The following MMP16 variants were observed in gnomAD, a reference collection of about 807,000 sequenced individuals.
MMP16 encodes the protein matrix metallopeptidase 16, also known as matrix metalloproteinase-16.
A neutral mutation model predicts 67.8 loss-of-function variants in MMP16; 12 were observed. That is an observed-to-expected ratio of 0.18 (90% CI 0.11 to 0.29). MMP16 has a LOEUF of 0.29. MMP16 is among the 10% of genes least tolerant of loss of function. The probability of loss-of-function intolerance (pLI) is 1.00; values close to 1 mark genes in which losing one functional copy is unlikely to be tolerated. For missense variants in MMP16, 475 were observed against 765.7 expected (o/e 0.62, Z 4.48); for synonymous variants, 249 against 255.9 (o/e 0.97, Z 0.26).
rs775243884 is a variant in MMP16, at chr8:88,197,274, C to G, written c.165G>C (p.Pro55=). The change falls in exon 2 of 10, where the codon CCG becomes CCC. Residue 55 remains proline, a synonymous_variant. Coordinates refer to ENST00000286614, the MANE Select transcript of MMP16 (RefSeq NM_005941.5). ...VWLQKYGYLP[P]TDPRMSVLRS... is the part of the protein sequence containing the mutation. ...GCAGCACTGACATTCTGGGGTCAGT[C>G]GGTGGAAGGTAGCCGTACTTTTGTA... 1 of 1,584,578 alleles carries G rather than the reference C, an allele frequency of 6.3e-7. No individual in the cohort carries two copies. The highest frequency in any genetic ancestry group is 8.6e-7 in the Non-Finnish European group (1 of 1,166,252).
At chr8:88,142,217 C>T (rs536607775) in intron 4 of MMP16, among the ~76,000 whole-genome samples, 22 of 151,976 alleles carry the variant, frequency 1.4e-4, no homozygotes, top group African/African-American at 4.6e-4. Context: ...GCCATAAATA[C>T]GTTCATTACA....
At chr8:88,103,994 C>T (rs578152768) in intron 6 of MMP16, among the ~76,000 whole-genome samples, 114 of 151,812 alleles carry the variant, frequency 7.5e-4, no homozygotes, top group African/African-American at 2.6e-3. Context: ...TGTCCAAGGA[C>T]ATTTAGTCAG....
intron 3 of MMP16, among the ~76,000 whole-genome samples, chr8:88,178,174 G>C (rs1340658948): frequency 1.3e-5 from 2 of 152,066 alleles, no homozygotes; most frequent in Non-Finnish European, 2.9e-5. Context: ...CAATTCTGTT[G>C]CTTGCTTTGC....
chr8:88,061,590 A>G (rs1586129346), intron 7 of MMP16, among the ~76,000 whole-genome samples: 1 of 152,206 alleles, frequency 6.6e-6, no homozygotes, highest in Non-Finnish European at 1.5e-5. Flanking sequence ...TAGGCTCATC[A>G]ATAACCAGGA....
chr8:88,041,946 G>A lies in MMP16; in HGVS notation c.1490-151C>T. 1.5e-6 allele frequency: 1 copy of A among 654,690 alleles called. No homozygotes were observed. 40.6% of individuals were successfully genotyped at this position (654,690 alleles called of 1,614,324 possible). A position where few individuals can be genotyped will look rare whatever the true frequency, so the allele number is the denominator to read the frequency against. On this transcript the variant is annotated intron_variant, in intron 9 of 9. Transcript: ENST00000286614. This position sits in a 1 kb window ranked among gnomAD's most constrained non-coding sequence, Gnocchi z 6.0. ...AGAAAACACTATTTTCAGCTCAGCTGTCTGTTAAGATGGCTGTGGCTGCTG... is the reference window on the plus strand; with the variant it reads ...AGAAAACACTATTTTCAGCTCAGCTATCTGTTAAGATGGCTGTGGCTGCTG...
chr8:88,183,526 A>G (rs938611882), intron 3 of MMP16, among the ~76,000 whole-genome samples: 2 of 152,114 alleles, frequency 1.3e-5, no homozygotes, highest in Non-Finnish European at 2.9e-5. Flanking sequence ...CAAATCTTAC[A>G]TCTTTTACTT....
At position 88,319,463 on chromosome 8, in the gene MMP16, G is replaced by A. The variant is rs553991720; in HGVS notation, c.132+7612C>T. Among the ~76,000 whole-genome samples the A allele has an allele frequency of 6.2e-4, 94 of 151,974 alleles. 1 individual carries two copies. The highest frequency in any genetic ancestry group is 6.8e-3 in the Middle Eastern group (2 of 294). On this transcript the variant is annotated intron_variant, in intron 1 of 9. Coordinates refer to ENST00000286614, the MANE Select transcript of MMP16 (RefSeq NM_005941.5). ...GCCAACTAGATGAAGCAAGTAGAGC[G>A]TGAGAAAAGGAACTGCAACTGTTGA...
Position 88,264,925 on chromosome 8 carries a change from C to T in MMP16, c.132+62150G>A, listed in dbSNP as rs76464087. Among the ~76,000 whole-genome samples the T allele has an allele frequency of 1.0e-2, 1,516 of 152,312 alleles. 26 individuals are homozygous for T. The highest frequency in any genetic ancestry group is 0.032 in the African/African-American group (1,345 of 41,562). Reference sequence around the variant, plus strand: ...TAACGTTTCAGACACTAGGACAAGACGACTAGTGTTTCCAATGACTTGGCA... The same window carrying T: ...TAACGTTTCAGACACTAGGACAAGATGACTAGTGTTTCCAATGACTTGGCA... On this transcript the variant is annotated intron_variant, in intron 1 of 9. Coordinates refer to ENST00000286614, the MANE Select transcript of MMP16 (RefSeq NM_005941.5).
chr8:88,212,298 G>T (rs540878913), intron 1 of MMP16, among the ~76,000 whole-genome samples: 18 of 152,218 alleles, frequency 1.2e-4, no homozygotes, highest in African/African-American at 4.3e-4. Flanking sequence ...AATGGTATTT[G>T]CTAAGTTTCA....
At chr8:88,274,738 G>A in intron 1 of MMP16, among the ~76,000 whole-genome samples, 1 of 151,536 alleles carries the variant, frequency 6.6e-6, no homozygotes. Context: ...CTTTAAGAAA[G>A]GAAAACAATT....
chr8:88,086,959 T>C (rs1332359647), intron 6 of MMP16, among the ~76,000 whole-genome samples: 1 of 151,864 alleles, frequency 6.6e-6, no homozygotes, highest in South Asian at 2.1e-4. Flanking sequence ...TGTTCAAAGA[T>C]AGGGAGAGAA....
At chr8:88,062,520 A>G (rs1475081357) in intron 7 of MMP16, among the ~76,000 whole-genome samples, 1 of 152,138 alleles carries the variant, frequency 6.6e-6, no homozygotes, top group Non-Finnish European at 1.5e-5. Flanking sequence ...ACGTGGATGA[A>G]GCTGGAAACC....
intron 1 of MMP16, among the ~76,000 whole-genome samples, chr8:88,282,562 T>C (rs1028968804): frequency 1.3e-5 from 2 of 152,234 alleles, no homozygotes; most frequent in African/African-American, 4.8e-5. Flanking sequence ...CTTTCCTAAT[T>C]ACATTGACTA....
intron 6 of MMP16, among the ~76,000 whole-genome samples, chr8:88,098,812 A>G (rs1242439199): frequency 6.6e-6 from 1 of 151,916 alleles, no homozygotes; most frequent in East Asian, 1.9e-4. Flanking sequence ...AAAAGCCAAA[A>G]GAAGTATAAA....
intron 6 of MMP16, among the ~76,000 whole-genome samples, chr8:88,087,592 G>A (rs912749020): frequency 6.6e-6 from 1 of 151,772 alleles, no homozygotes; most frequent in East Asian, 1.9e-4. Flanking sequence ...TACCACACGA[G>A]AGGAATTTCA....
intron 3 of MMP16, among the ~76,000 whole-genome samples, chr8:88,175,629 T>G (rs1452478298): frequency 6.6e-6 from 1 of 152,184 alleles, no homozygotes; most frequent in Non-Finnish European, 1.5e-5. Flanking sequence ...TAACCATACT[T>G]CAAGCATTAT....
chr8:88,250,931 C>T (rs1412300610), intron 1 of MMP16, among the ~76,000 whole-genome samples: 1 of 146,476 alleles, frequency 6.8e-6, no homozygotes, highest in African/African-American at 2.5e-5. Flanking sequence ...TCCCCCCTCC[C>T]CCTACCCCAC....
intron 3 of MMP16, among the ~76,000 whole-genome samples, chr8:88,181,015 A>G (rs1218471054): frequency 1.3e-5 from 2 of 152,152 alleles, no homozygotes; most frequent in Admixed American, 6.5e-5. Flanking sequence ...CTTTTAGCAA[A>G]CTAAGAATAG....
rs188864061 is a variant in MMP16 at position 88,168,040 on chromosome 8, G to A, written c.405-67C>T. On this transcript the variant is annotated intron_variant, in intron 3 of 9. Coordinates refer to ENST00000286614, the MANE Select transcript of MMP16 (RefSeq NM_005941.5). Reference sequence around the variant, plus strand: ...AGCTAACTTAGTACAGGTTTTGATCGATTCAGTTAAGTAAAATATTAGAGA... The same window carrying A: ...AGCTAACTTAGTACAGGTTTTGATCAATTCAGTTAAGTAAAATATTAGAGA... 35 of 1,219,274 alleles carry A rather than the reference G, an allele frequency of 2.9e-5. No individual in the cohort carries two copies. In the African/African-American group the frequency reaches 4.3e-4, roughly 15 times the overall value. 75.5% of individuals were successfully genotyped at this position (1,219,274 alleles called of 1,614,324 possible).
Sources: allele counts gnomAD v4.1 joint callset (sites outside exome capture counted in the v4.1 genomes callset), GRCh38; gene constraint gnomAD v4.1.1; non-coding constraint Gnocchi (gnomAD v3.1); transcripts MANE v1.5; gene names NCBI Gene and HGNC (gene_info 2026-07-23, HGNC 2026-07-21).